DGCR2: variants seen among roughly 807,000 people sequenced by gnomAD.
DGCR2 encodes integral membrane protein DGCR2/IDD.
Under a neutral mutation model 51.6 loss-of-function variants are expected in DGCR2, and 24 were observed. The observed-to-expected ratio is 0.47, with a 90% confidence interval of 0.34 to 0.65. The LOEUF (loss-of-function observed/expected upper bound fraction) is 0.65. Ranked by LOEUF, DGCR2 falls within the 30% of genes least tolerant of loss-of-function variation. DGCR2 has a pLI of 0.01. For missense variants in DGCR2, 765 were observed against 772.1 expected (o/e 0.99, Z 0.11); for synonymous variants, 340 against 315.4 (o/e 1.08, Z -0.82).
chr22:19,099,643 G>C (rs1015341203), intron 1 of DGCR2, among the ~76,000 whole-genome samples: 5 of 152,020 alleles, frequency 3.3e-5, no homozygotes, highest in Admixed American at 2.6e-4. Flanking sequence ...AAAGCAGTAA[G>C]TGCAACTTCT....
intron 2 of DGCR2, among the ~76,000 whole-genome samples, chr22:19,072,904 A>G (rs1343115639): frequency 6.6e-6 from 1 of 152,058 alleles, no homozygotes; most frequent in Non-Finnish European, 1.5e-5. Flanking sequence ...TTTTTTAAAA[A>G]AAAGGAAAAT....
intron 1 of DGCR2, among the ~76,000 whole-genome samples, chr22:19,101,590 A>G (rs1244504803): frequency 6.6e-6 from 1 of 152,106 alleles, no homozygotes; most frequent in African/African-American, 2.4e-5. Context: ...AAAGTACAAA[A>G]GTTAGCTGGG....
At chr22:19,063,551 A>T (rs2082712441) in intron 4 of DGCR2, among the ~76,000 whole-genome samples, 1 of 148,574 alleles carries the variant, frequency 6.7e-6, no homozygotes, top group Non-Finnish European at 1.5e-5. Flanking sequence ...GGGTTTCACC[A>T]TATTGGCCAG....
chr22:19,098,416 G>A (rs2083165352), intron 1 of DGCR2, among the ~76,000 whole-genome samples: 1 of 152,164 alleles, frequency 6.6e-6, no homozygotes, highest in South Asian at 2.1e-4. Flanking sequence ...TGCCACAGCT[G>A]CTCAACCCTG....
chr22:19,085,829 C>T (rs540574905), intron 2 of DGCR2, among the ~76,000 whole-genome samples: 1 of 152,300 alleles, frequency 6.6e-6, no homozygotes, highest in Non-Finnish European at 1.5e-5. Context: ...AGTTCAAAAG[C>T]AACTTGACTG....
At chr22:19,078,193 G>C (rs913480402) in intron 2 of DGCR2, among the ~76,000 whole-genome samples, 1 of 152,082 alleles carries the variant, frequency 6.6e-6, no homozygotes, top group Non-Finnish European at 1.5e-5. Flanking sequence ...GTGTACTTAA[G>C]AATATTCTTT....
chr22:19,105,093 C>G (rs977322516), intron 1 of DGCR2, among the ~76,000 whole-genome samples: 1 of 152,126 alleles, frequency 6.6e-6, no homozygotes, highest in Non-Finnish European at 1.5e-5. Flanking sequence ...GAGGCTAAGG[C>G]GGGTGGATCA....
At chr22:19,062,770 TGCA>T (rs1555903862) in intron 5 of DGCR2, among the ~76,000 whole-genome samples, 2 of 119,420 alleles carry the variant, frequency 1.7e-5, no homozygotes, top group Non-Finnish European at 3.8e-5. Context: ...CACACACACA[TGCA>T]TGCTCACTCT....
At chr22:19,095,807 T>C (rs1009652139) in intron 1 of DGCR2, among the ~76,000 whole-genome samples, 1 of 151,966 alleles carries the variant, frequency 6.6e-6, no homozygotes, top group Admixed American at 6.6e-5. Context: ...CAAAAGATAC[T>C]GACCACAAGG....
chr22:19,069,475 T>C (rs2082789551), intron 2 of DGCR2, among the ~76,000 whole-genome samples: 1 of 152,228 alleles, frequency 6.6e-6, no homozygotes, highest in South Asian at 2.1e-4. Flanking sequence ...ACAAAGGCCA[T>C]ATTTAACTAT....
chr22:19,076,879 G>T (rs934556412), intron 2 of DGCR2, among the ~76,000 whole-genome samples: 1 of 151,478 alleles, frequency 6.6e-6, no homozygotes, highest in East Asian at 1.9e-4. Context: ...TAAGGCGCCC[G>T]CCACCACACC....
At chr22:19,043,785 A>G (rs1476089235) in intron 7 of DGCR2, among the ~76,000 whole-genome samples, 1 of 152,198 alleles carries the variant, frequency 6.6e-6, no homozygotes, top group Non-Finnish European at 1.5e-5. Context: ...CATTCCTGCT[A>G]GCCCAGTACA....
At chr22:19,069,770 T>C (rs946169036) in intron 2 of DGCR2, among the ~76,000 whole-genome samples, 1 of 152,218 alleles carries the variant, frequency 6.6e-6, no homozygotes, top group Non-Finnish European at 1.5e-5. Context: ...CAAGTGCGTA[T>C]GTAGTCTCAT....
rs1491258740 is a variant in DGCR2 at position 19,062,775 on chromosome 22, G to GCTCTCTCTCTCTCTCTCTCTCTCT, written c.625+426_625+427insAGAGAGAGAGAGAGAGAGAGAGAG. Among the ~76,000 whole-genome samples the GCTCTCTCTCTCTCTCTCTCTCTCT allele has an allele frequency of 8.4e-4, 92 of 108,948 alleles. 2 individuals carry two copies. Among genetic ancestry groups the GCTCTCTCTCTCTCTCTCTCTCTCT allele is most frequent in the Non-Finnish European group, 1.4e-3 (71 of 51,506 alleles). 71.5% of individuals were successfully genotyped at this position (108,948 alleles called of 152,430 possible). On this transcript the variant is annotated intron_variant, in intron 5 of 9. Transcript: ENST00000263196. ...TCTTTGCGCACACACACACATGCAT[G>GCTCTCTCTCTCTCTCTCTCTCTCT]CTCACTCTCTCTCTCTCTCTCTCTC...
chr22:19,103,860 A>G (rs142622581), intron 1 of DGCR2, among the ~76,000 whole-genome samples: 8 of 151,770 alleles, frequency 5.3e-5, no homozygotes, highest in Admixed American at 2.6e-4. Flanking sequence ...AGCCTGGGCA[A>G]CATAGCCAGA....
At chr22:19,095,575 G>A (rs796803942) in intron 1 of DGCR2, among the ~76,000 whole-genome samples, 5 of 151,544 alleles carry the variant, frequency 3.3e-5, no homozygotes, top group African/African-American at 1.2e-4. Flanking sequence ...GCAGAAGAAT[G>A]GCGTGAACCC....
In DGCR2 at chr22:19,041,276, C is replaced by T; in HGVS notation, c.1178G>A (p.Gly393Asp). The change falls in exon 9 of 10, where the codon GGC (glycine) becomes GAC (aspartate). Residue 393 changes from glycine (G) to aspartate (D), a missense_variant. Transcript: ENST00000263196. ...IGANLHHFNL[G>D]RRIPGFDYGP... ...GTAATCAAAGCCAGGGATCCTGCGG[C>T]CGAGGTTGAAGTGGTGCACTGGGCC... 6.2e-7 allele frequency: 1 copy of T among 1,614,078 alleles called. No homozygotes were observed. The highest frequency in any genetic ancestry group is 8.5e-7 in the Non-Finnish European group (1 of 1,180,002).
chr22:19,058,639 A>G (rs1481037773), intron 5 of DGCR2, among the ~76,000 whole-genome samples: 1 of 152,170 alleles, frequency 6.6e-6, no homozygotes, highest in Non-Finnish European at 1.5e-5. Flanking sequence ...ATCTTTAACA[A>G]ACAAAAAATC....
At chr22:19,051,339 A>G (rs2082547048) in intron 6 of DGCR2, among the ~76,000 whole-genome samples, 1 of 152,200 alleles carries the variant, frequency 6.6e-6, no homozygotes, top group South Asian at 2.1e-4. Flanking sequence ...GCTCACCTGA[A>G]GAGGATGAAG....
Sources: gnomAD v4.1 joint callset for allele counts (sites outside exome capture counted in the v4.1 genomes callset) on GRCh38, gnomAD v4.1.1 for gene constraint, MANE v1.5 for transcripts, NCBI Gene and HGNC (gene_info 2026-07-23, HGNC 2026-07-21) for gene names.